Variants in CTNNA3 observed in about 807,000 individuals in gnomAD.
The protein encoded by CTNNA3 is catenin alpha 3, also known as catenin alpha-3.
CTNNA3 carries 76 observed loss-of-function variants against 95.7 expected under a neutral mutation model. The observed-to-expected ratio is 0.79, with a 90% confidence interval of 0.66 to 0.96. The LOEUF is 0.96. Among genes scored for constraint, CTNNA3 ranks in the 40% least tolerant of loss-of-function variants. The pLI, the probability that CTNNA3 is intolerant of heterozygous loss-of-function variation, is 0.00. For missense variants in CTNNA3, 1,191 were observed against 1,089.8 expected (o/e 1.09, Z -1.31); for synonymous variants, 431 against 374.4 (o/e 1.15, Z -1.74).
At chr10:67,140,951 TA>T (rs1199612664) in intron 7 of CTNNA3, among the ~76,000 whole-genome samples, 1 of 152,080 alleles carries the variant, frequency 6.6e-6, no homozygotes, top group African/African-American at 2.4e-5. Flanking sequence ...AAGAAAGACA[TA>T]AAGAGAATGA....
At chr10:66,523,408 G>C (rs1211565484) in intron 10 of CTNNA3, among the ~76,000 whole-genome samples, 1 of 152,100 alleles carries the variant, frequency 6.6e-6, no homozygotes, top group Non-Finnish European at 1.5e-5. Context: ...TATCCTACTT[G>C]ACTCTTGTGA....
intron 11 of CTNNA3, among the ~76,000 whole-genome samples, chr10:66,447,143 G>A (rs972869669): frequency 2.6e-5 from 4 of 151,884 alleles, no homozygotes; most frequent in African/African-American, 9.7e-5. Context: ...TCTTCAAGGA[G>A]AACTACAAAC....
At chr10:66,665,539 A>T (rs1185142537) in intron 9 of CTNNA3, among the ~76,000 whole-genome samples, 1 of 152,172 alleles carries the variant, frequency 6.6e-6, no homozygotes, top group East Asian at 1.9e-4. Context: ...AACAACATAA[A>T]TATCTGAGAA....
rs534375990 is a variant in CTNNA3 at position 65,919,119 on chromosome 10, G to C, written c.*1211C>G. The C allele has an allele frequency of 3.0e-4, 46 of 152,226 alleles. No individual in the cohort carries two copies. Among genetic ancestry groups the C allele is most frequent in the African/African-American group, 1.1e-3 (45 of 41,566 alleles). The allele number at this position is 152,226 out of a possible 1,614,324, so 9.4% of individuals were successfully genotyped here. A position where few individuals can be genotyped will look rare whatever the true frequency, so the allele number is the denominator to read the frequency against. ...TGGCCTCCAAAGAGTTTCTGTTAAG[G>C]ACATTTTTGAAAGACAGAGAGAGGC... On this transcript the variant is annotated 3_prime_UTR_variant, in exon 18 of 18. Transcript: ENST00000433211.
chr10:66,379,305 C>G lies in CTNNA3; in HGVS notation c.1579G>C (p.Asp527His). Reference protein sequence around the residue: ...DVNKCIIALRDQDADNLDRAA... With the variant: ...DVNKCIIALRHQDADNLDRAA... ...CGGTCTAAATTATCAGCATCCTGGT[C>G]TCTTAAGGCTATGATACACTTGTTG... The change falls in exon 12 of 18, where the codon GAC (aspartate) becomes CAC (histidine). Residue 527 changes from aspartate (D) to histidine (H), a missense_variant. Transcript: ENST00000433211. 1 of 1,614,106 alleles carries G rather than the reference C, an allele frequency of 6.2e-7. No homozygotes were observed. Among genetic ancestry groups the G allele is most frequent in the Non-Finnish European group, 8.5e-7 (1 of 1,179,984 alleles).
chr10:66,652,134 A>G (rs1313939965), intron 9 of CTNNA3, among the ~76,000 whole-genome samples: 1 of 150,642 alleles, frequency 6.6e-6, no homozygotes, highest in Admixed American at 6.6e-5. Flanking sequence ...GCCCAAAGTT[A>G]GCAGAAGAAA....
At chr10:66,391,472 T>C (rs538410083) in intron 11 of CTNNA3, among the ~76,000 whole-genome samples, 144 of 152,248 alleles carry the variant, frequency 9.5e-4, no homozygotes, top group Non-Finnish European at 1.8e-3. Context: ...TGAACAGACA[T>C]TGCAATCAGG....
chr10:66,453,064 A>C (rs2093474949), intron 11 of CTNNA3, among the ~76,000 whole-genome samples: 1 of 151,980 alleles, frequency 6.6e-6, no homozygotes, highest in African/African-American at 2.4e-5. Flanking sequence ...AAATACAAAA[A>C]AAAATTGTCA....
In CTNNA3 at chr10:66,153,540, T is replaced by C. The variant is rs572085571; in HGVS notation, c.1885-50291A>G. Among the ~76,000 whole-genome samples the C allele has an allele frequency of 1.8e-4, 28 of 152,092 alleles. No homozygotes were observed. The South Asian group carries it at 5.8e-3, about 31-fold the overall frequency. Reference sequence around the variant, plus strand: ...GGATGTTTTGAGTCTGCTGCAGACATGCTCAATTCACCTGTCAGCCTGAGA... The same window carrying C: ...GGATGTTTTGAGTCTGCTGCAGACACGCTCAATTCACCTGTCAGCCTGAGA... On this transcript the variant is annotated intron_variant, in intron 13 of 17. Coordinates refer to ENST00000433211, the MANE Select transcript of CTNNA3 (RefSeq NM_013266.4).
At chr10:66,583,427 A>G (rs935833849) in intron 10 of CTNNA3, among the ~76,000 whole-genome samples, 1 of 151,850 alleles carries the variant, frequency 6.6e-6, no homozygotes, top group Non-Finnish European at 1.5e-5. Flanking sequence ...GTATGTTTCC[A>G]GGAATTAATT....
chr10:66,605,978 G>C (rs1044897084), intron 10 of CTNNA3, among the ~76,000 whole-genome samples: 1 of 152,088 alleles, frequency 6.6e-6, no homozygotes, highest in Non-Finnish European at 1.5e-5. Flanking sequence ...ATGTAAATGG[G>C]CTAAATGCCC....
At chr10:67,190,072 G>C (rs1589842465) in intron 6 of CTNNA3, among the ~76,000 whole-genome samples, 2 of 152,022 alleles carry the variant, frequency 1.3e-5, no homozygotes, top group African/African-American at 2.4e-5. Flanking sequence ...TAGCCTAAAG[G>C]CTATCTTCCA....
chr10:67,088,501 A>G (rs920731510), intron 7 of CTNNA3, among the ~76,000 whole-genome samples: 1 of 151,936 alleles, frequency 6.6e-6, no homozygotes, highest in Non-Finnish European at 1.5e-5. Context: ...CGGTGCCTGC[A>G]TTACATAAGA....
At chr10:66,236,302 A>G (rs2089852443) in intron 13 of CTNNA3, among the ~76,000 whole-genome samples, 1 of 152,212 alleles carries the variant, frequency 6.6e-6, no homozygotes, top group South Asian at 2.1e-4. Flanking sequence ...CCAACCAATT[A>G]CAAAAATGAC....
intron 5 of CTNNA3, among the ~76,000 whole-genome samples, chr10:67,514,786 A>G (rs1839759236): frequency 6.6e-6 from 1 of 151,486 alleles, no homozygotes; most frequent in Non-Finnish European, 1.5e-5. Context: ...AACCCATAAC[A>G]AAGAATTAAC....
At chr10:66,860,032 G>C (rs1446388903) in intron 7 of CTNNA3, among the ~76,000 whole-genome samples, 15 of 101,884 alleles carry the variant, frequency 1.5e-4, no homozygotes, top group African/African-American at 5.6e-4. Context: ...GGGGGGAGGG[G>C]GGAGGGATAG....
intron 5 of CTNNA3, among the ~76,000 whole-genome samples, chr10:67,437,168 G>A (rs1846331009): frequency 6.6e-6 from 1 of 152,190 alleles, no homozygotes; most frequent in South Asian, 2.1e-4. Flanking sequence ...AACAGCATTT[G>A]CAGCGACCTG....
intron 7 of CTNNA3, among the ~76,000 whole-genome samples, chr10:66,825,858 C>T (rs1181395837): frequency 6.6e-6 from 1 of 152,116 alleles, no homozygotes; most frequent in Non-Finnish European, 1.5e-5. Context: ...CTGCCTGTTC[C>T]AGATTGAATT....
At chr10:67,157,420 A>G (rs1428114004) in intron 7 of CTNNA3, among the ~76,000 whole-genome samples, 1 of 152,214 alleles carries the variant, frequency 6.6e-6, no homozygotes, top group Admixed American at 6.5e-5. Context: ...GGGAGAAGGC[A>G]GCCCCTCCTG....
Sources: allele counts gnomAD v4.1 joint callset (sites outside exome capture counted in the v4.1 genomes callset), GRCh38; gene constraint gnomAD v4.1.1; transcripts MANE v1.5; gene names NCBI Gene and HGNC (gene_info 2026-07-23, HGNC 2026-07-21).